DGKI: variants seen among roughly 807,000 people sequenced by gnomAD.
DGKI encodes the protein diacylglycerol kinase iota, also known as DAG kinase iota.
DGKI carries 55 observed loss-of-function variants against 147.5 expected under a neutral mutation model. That is an observed-to-expected ratio of 0.37 (90% CI 0.30 to 0.47). The LOEUF (loss-of-function observed/expected upper bound fraction) is 0.47. Among genes scored for constraint, DGKI ranks in the 20% least tolerant of loss-of-function variants. DGKI has a pLI of 1.00. For missense variants in DGKI, 1,007 were observed against 1,323.8 expected, an observed-to-expected ratio of 0.76 and a Z score of 3.71; for synonymous variants, 469 against 477.1, an observed-to-expected ratio of 0.98 and a Z score of 0.22.
At chr7:137,708,910 A>C (rs943476400) in intron 1 of DGKI, among the ~76,000 whole-genome samples, 14 of 152,234 alleles carry the variant, frequency 9.2e-5, no homozygotes, top group Non-Finnish European at 1.8e-4. Flanking sequence ...AGCATATTAA[A>C]GGTACCTTTT....
At chr7:137,487,431 A>T (rs1815603995) in intron 22 of DGKI, among the ~76,000 whole-genome samples, 179 bp downstream of exon 22, 1 of 152,208 alleles carries the variant, frequency 6.6e-6, no homozygotes, top group African/African-American at 2.4e-5. Flanking sequence ...CAACCATCTG[A>T]GGAGTGAACA....
intron 23 of DGKI, among the ~76,000 whole-genome samples, chr7:137,481,327 C>G (rs964696932): frequency 1.3e-5 from 2 of 152,100 alleles, no homozygotes; most frequent in Non-Finnish European, 2.9e-5. Flanking sequence ...AGGGAGGAAG[C>G]AGAGAAGGAA....
At chr7:137,827,727 A>C (rs1054576516) in intron 1 of DGKI, among the ~76,000 whole-genome samples, 1 of 152,250 alleles carries the variant, frequency 6.6e-6, no homozygotes, top group African/African-American at 2.4e-5. Context: ...AGTAAAGCTC[A>C]CTTATGTGTG....
chr7:137,723,094 G>T (rs1467257963), intron 1 of DGKI, among the ~76,000 whole-genome samples: 1 of 152,194 alleles, frequency 6.6e-6, no homozygotes, highest in Non-Finnish European at 1.5e-5. Context: ...TAAAGCAGTA[G>T]ATGGCTCATA....
intron 1 of DGKI, among the ~76,000 whole-genome samples, chr7:137,819,864 C>T (rs1797846622): frequency 6.6e-6 from 1 of 152,114 alleles, no homozygotes; most frequent in African/African-American, 2.4e-5. Flanking sequence ...TTTTTTCAAA[C>T]CTCCATTACT....
rs2128977853 is a variant in DGKI at position 137,575,269 on chromosome 7, T to A, written c.1761+1953A>T. Among the ~76,000 whole-genome samples, 5 of 152,332 alleles carry A rather than the reference T, an allele frequency of 3.3e-5. No homozygotes were observed. In the South Asian group the frequency reaches 1.0e-3, roughly 32 times the overall value. ...ATAATTTATATAAACATTCCACCTT[T>A]AATATTACATATATAGGCTGATATC... On this transcript the variant is annotated intron_variant, in intron 17 of 32. Transcript: ENST00000614521.
At chr7:137,559,274 T>C (rs1453625022) in intron 19 of DGKI, among the ~76,000 whole-genome samples, 1 of 151,054 alleles carries the variant, frequency 6.6e-6, no homozygotes, top group African/African-American at 2.4e-5. Context: ...GGTTTCACCG[T>C]TATAGCCGGG....
At chr7:137,646,175 G>GCACA (rs2089621872) in intron 5 of DGKI, among the ~76,000 whole-genome samples, 1 of 152,160 alleles carries the variant, frequency 6.6e-6, no homozygotes, top group Non-Finnish European at 1.5e-5. Context: ...CTTTATCTGT[G>GCACA]GCAGGCAGAC....
Position 137,643,087 on chromosome 7 carries a change from C to G in DGKI, c.804+2385G>C, listed in dbSNP as rs563312347. Among the ~76,000 whole-genome samples, 295 of 151,368 alleles carry G rather than the reference C, an allele frequency of 1.9e-3. 1 individual carries two copies. The highest frequency in any genetic ancestry group is 3.0e-3 in the Non-Finnish European group (205 of 67,824). ...CGGGCGGATCACGAGGTCAGGAGAT[C>G]GAGACCATCTTGGCTAACACGGTGA... On this transcript the variant is annotated intron_variant, in intron 6 of 32. Coordinates refer to ENST00000614521, the MANE Select transcript of DGKI (RefSeq NM_001321708.2).
rs116591965 is a variant in DGKI at position 137,811,765 on chromosome 7, G to T, written c.401+34697C>A. Among the ~76,000 whole-genome samples the T allele has an allele frequency of 3.9e-3, 592 of 152,262 alleles. 3 individuals are homozygous for T. The highest frequency in any genetic ancestry group is 0.014 in the African/African-American group (572 of 41,546). ...CTACAGCCTAATCTCAGAATGAATT[G>T]CCCATCCTTTATCATCTGTGCTAAA... On this transcript the variant is annotated intron_variant, in intron 1 of 32. Transcript: ENST00000614521.
chr7:137,446,816 A>G (rs976333302), intron 27 of DGKI, among the ~76,000 whole-genome samples: 2 of 152,208 alleles, frequency 1.3e-5, no homozygotes, highest in Non-Finnish European at 2.9e-5. Flanking sequence ...ATAAGTAGTT[A>G]TTTTAACAAC....
At chr7:137,753,553 G>T (rs1287704111) in intron 1 of DGKI, among the ~76,000 whole-genome samples, 1 of 152,194 alleles carries the variant, frequency 6.6e-6, no homozygotes, top group East Asian at 1.9e-4. Context: ...AGGAGGAGGG[G>T]AGTTGAGCAA....
chr7:137,757,908 G>A (rs1365979454), intron 1 of DGKI, among the ~76,000 whole-genome samples: 1 of 152,174 alleles, frequency 6.6e-6, no homozygotes, highest in African/African-American at 2.4e-5. Context: ...CGAAATTGGA[G>A]AATCGTAACA....
intron 28 of DGKI, 25 bp downstream of exon 28, chr7:137,444,052 T>C: frequency 6.4e-7 from 1 of 1,551,358 alleles, no homozygotes; most frequent in Non-Finnish European, 8.7e-7. Flanking sequence ...CCTGAATTGG[T>C]ATAAATAAGA....
chr7:137,527,883 T>G (rs1177585081), intron 20 of DGKI, among the ~76,000 whole-genome samples: 3 of 152,182 alleles, frequency 2.0e-5, no homozygotes, highest in Non-Finnish European at 4.4e-5. Flanking sequence ...ATAGAATTCA[T>G]TTGAACTGGC....
intron 8 of DGKI, among the ~76,000 whole-genome samples, chr7:137,612,272 T>C (rs1422685847): frequency 6.7e-6 from 1 of 150,358 alleles, no homozygotes; most frequent in Non-Finnish European, 1.5e-5. Context: ...TACAAGTGCT[T>C]CTAGCCTCAC....
At chr7:137,759,819 G>A (rs1213116739) in intron 1 of DGKI, among the ~76,000 whole-genome samples, 5 of 151,222 alleles carry the variant, frequency 3.3e-5, no homozygotes, top group South Asian at 2.1e-4. Flanking sequence ...CCTCCTTTTC[G>A]TCCCTCCCTC....
intron 1 of DGKI, among the ~76,000 whole-genome samples, chr7:137,693,711 AG>A (rs1356542993): frequency 4.6e-5 from 7 of 152,262 alleles, no homozygotes; most frequent in Non-Finnish European, 8.8e-5. Flanking sequence ...CAAGAAGCTA[AG>A]AAAAACAGCT....
chr7:137,503,225 A>G (rs1210832313), intron 21 of DGKI, among the ~76,000 whole-genome samples: 1 of 152,162 alleles, frequency 6.6e-6, no homozygotes, highest in African/African-American at 2.4e-5. Flanking sequence ...TAAAGTAAGT[A>G]TTGCTTACTT....
Sources: allele counts gnomAD v4.1 joint callset (sites outside exome capture counted in the v4.1 genomes callset), GRCh38; gene constraint gnomAD v4.1.1; transcripts MANE v1.5; gene names NCBI Gene and HGNC (gene_info 2026-07-23, HGNC 2026-07-21).